Variants in MDGA2 observed in about 807,000 individuals in gnomAD.
MDGA2 encodes the protein MAM domain-containing glycosylphosphatidylinositol anchor protein 2.
Under a neutral mutation model 117.8 loss-of-function variants are expected in MDGA2, and 40 were observed. The ratio of observed to expected loss-of-function variants is 0.34; its 90% CI spans 0.26 to 0.44. MDGA2 has a LOEUF of 0.44. Among genes scored for constraint, MDGA2 ranks in the 20% least tolerant of loss-of-function variants. The probability of loss-of-function intolerance (pLI) is 1.00; values close to 1 mark genes in which losing one functional copy is unlikely to be tolerated. For synonymous variants in MDGA2, 452 were observed against 439.0 expected (o/e 1.03, Z -0.37); for missense variants, 1,123 against 1,250.6 (o/e 0.90, Z 1.54).
At chr14:47,561,163 G>GTTTTTTTTTTTTTT (rs1309865250) in intron 1 of MDGA2, among the ~76,000 whole-genome samples, 1 of 83,878 alleles carries the variant, frequency 1.2e-5, no homozygotes, top group Admixed American at 1.3e-4. Flanking sequence ...GTTTTGTTTT[G>GTTTTTTTTTTTTTT]TTTTTTTGTT....
chr14:46,882,176 T>C lies in MDGA2; in HGVS notation c.2284A>G (p.Asn762Asp), dbSNP rs1226048711. 7.4e-6 allele frequency: 12 copies of C among 1,612,676 alleles called. No individual in the cohort carries two copies. The highest frequency in any genetic ancestry group is 9.3e-6 in the Non-Finnish European group (11 of 1,179,128). Reference sequence around the variant, plus strand: ...GTAATTAATTCTCCCTTTTGAATATTCCCATTTATTTTAATCTCCTGCTCC... The same window carrying C: ...GTAATTAATTCTCCCTTTTGAATATCCCCATTTATTTTAATCTCCTGCTCC... ...WWEQEIKINGNIQKGELITYN... is the reference protein window; with the variant it reads ...WWEQEIKINGDIQKGELITYN... The change falls in exon 11 of 17, where the codon AAT (asparagine) becomes GAT (aspartate). Residue 762 changes from asparagine to aspartate, a missense_variant. Asn to Asp is a conservative substitution (Grantham distance 23). Coordinates refer to ENST00000399232, the MANE Select transcript of MDGA2 (RefSeq NM_001113498.3).
intron 1 of MDGA2, among the ~76,000 whole-genome samples, chr14:47,543,761 G>T (rs186121307): frequency 1.3e-5 from 2 of 152,184 alleles, no homozygotes; most frequent in Non-Finnish European, 2.9e-5. Context: ...TGTTTTGAAA[G>T]ATGCTATCTA....
intron 14 of MDGA2, among the ~76,000 whole-genome samples, chr14:46,866,634 C>T (rs1595006090): frequency 6.6e-6 from 1 of 151,722 alleles, no homozygotes; most frequent in Middle Eastern, 3.4e-3. Flanking sequence ...ATTTTTGCAA[C>T]CTACTCATCT....
chr14:47,319,346 T>C (rs1489885152), intron 1 of MDGA2, among the ~76,000 whole-genome samples: 2 of 152,196 alleles, frequency 1.3e-5, no homozygotes, highest in Non-Finnish European at 2.9e-5. Context: ...AAAACGTCTA[T>C]TATAATCTGC....
intron 8 of MDGA2, among the ~76,000 whole-genome samples, chr14:46,965,962 T>C (rs1886012710): frequency 1.3e-5 from 2 of 151,466 alleles, no homozygotes. Context: ...TGCCTGTGTT[T>C]TGTTCAATTA....
intron 1 of MDGA2, among the ~76,000 whole-genome samples, chr14:47,606,896 T>C (rs992039198): frequency 1.9e-4 from 29 of 152,130 alleles, no homozygotes; most frequent in Admixed American, 1.9e-3. Flanking sequence ...TAATGAGTAA[T>C]ACAAAAAATG....
At chr14:47,560,091 G>A (rs1289478354) in intron 1 of MDGA2, among the ~76,000 whole-genome samples, 14 of 149,170 alleles carry the variant, frequency 9.4e-5, no homozygotes, top group African/African-American at 4.9e-5. Context: ...TTTTTTAGAC[G>A]GAGTCTCGTT....
intron 1 of MDGA2, among the ~76,000 whole-genome samples, chr14:47,617,456 G>A (rs544943894): frequency 2.6e-5 from 4 of 152,078 alleles, no homozygotes; most frequent in East Asian, 1.9e-4. Context: ...CACCCACCTC[G>A]GCCTCCCAAA....
chr14:46,860,908 C>T (rs1881481441), intron 14 of MDGA2, among the ~76,000 whole-genome samples: 1 of 151,862 alleles, frequency 6.6e-6, no homozygotes. Context: ...TCTTTTTCAC[C>T]AGTATATGTT....
chr14:46,974,554 G>A (rs1886383893), intron 8 of MDGA2, among the ~76,000 whole-genome samples: 1 of 152,094 alleles, frequency 6.6e-6, no homozygotes, highest in Non-Finnish European at 1.5e-5. Flanking sequence ...ACAGAATGGA[G>A]AACCCAGAAG....
intron 9 of MDGA2, among the ~76,000 whole-genome samples, chr14:46,923,894 G>T (rs1014219643): frequency 2.0e-5 from 3 of 152,066 alleles, no homozygotes; most frequent in East Asian, 3.9e-4. Context: ...AACAGGGAAA[G>T]AATTCATAAA....
intron 8 of MDGA2, among the ~76,000 whole-genome samples, chr14:46,982,734 A>AAAAAAAAATAATAATAAT (rs1449356596): frequency 7.7e-6 from 1 of 130,326 alleles, no homozygotes; most frequent in Non-Finnish European, 1.7e-5. Flanking sequence ...AAAAAAAAAA[A>AAAAAAAAATAATAATAAT]AATCATGTCA....
At chr14:47,619,296 C>T (rs1284596982) in intron 1 of MDGA2, among the ~76,000 whole-genome samples, 1 of 152,122 alleles carries the variant, frequency 6.6e-6, no homozygotes, top group Non-Finnish European at 1.5e-5. Flanking sequence ...ATATAAACCA[C>T]ATGAATAAAA....
At chr14:47,498,671 G>A (rs749974770) in intron 1 of MDGA2, among the ~76,000 whole-genome samples, 13 of 151,960 alleles carry the variant, frequency 8.6e-5, no homozygotes, top group East Asian at 1.9e-4. Flanking sequence ...AATTGTTATC[G>A]AATGCACTGG....
chr14:47,429,163 T>A (rs978452815), intron 1 of MDGA2, among the ~76,000 whole-genome samples: 3 of 151,846 alleles, frequency 2.0e-5, no homozygotes, highest in African/African-American at 7.3e-5. Context: ...GGGCAGAGGT[T>A]GCAATGAGCT....
chr14:47,058,524 C>T (rs1004290236), intron 7 of MDGA2: 1 of 984,340 alleles, frequency 1.0e-6, no homozygotes, highest in Non-Finnish European at 1.2e-6. Flanking sequence ...TCCAAGATTT[C>T]CTTGTATGCT....
At chr14:47,356,267 A>C (rs1890991224) in intron 1 of MDGA2, among the ~76,000 whole-genome samples, 1 of 152,182 alleles carries the variant, frequency 6.6e-6, no homozygotes, top group Admixed American at 6.5e-5. Context: ...CATTCTCTCA[A>C]CATACTAGGC....
At chr14:46,979,396 G>C (rs1459148378) in intron 8 of MDGA2, among the ~76,000 whole-genome samples, 1 of 152,088 alleles carries the variant, frequency 6.6e-6, no homozygotes. Flanking sequence ...ATGAAAGGAA[G>C]AGTTACACAT....
At chr14:47,207,662 G>A (rs1594722912) in intron 3 of MDGA2, among the ~76,000 whole-genome samples, 1 of 152,040 alleles carries the variant, frequency 6.6e-6, no homozygotes, top group East Asian at 1.9e-4. Context: ...ACCTGAAAAC[G>A]TTTGAAACAA....
Sources: gnomAD v4.1 joint callset for allele counts (sites outside exome capture counted in the v4.1 genomes callset) on GRCh38, gnomAD v4.1.1 for gene constraint, MANE v1.5 for transcripts, NCBI Gene and HGNC (gene_info 2026-07-23, HGNC 2026-07-21) for gene names.